The following ZNF343 variants were observed in gnomAD, a reference collection of about 807,000 sequenced individuals.
The protein encoded by ZNF343 is zinc finger protein 343.
A neutral mutation model predicts 13.8 loss-of-function variants in ZNF343; 11 were observed. That is an observed-to-expected ratio of 0.80 (90% CI 0.50 to 1.32). ZNF343 has a LOEUF of 1.32. Ranked by LOEUF, ZNF343 falls within the 40% of genes most tolerant of loss-of-function variation. ZNF343 has a pLI of 0.00. For synonymous variants in ZNF343, 248 were observed against 260.0 expected (o/e 0.95, Z 0.44); for missense variants, 658 against 714.2 (o/e 0.92, Z 0.90).
chr20:2,510,970 A>C (rs549845931), upstream of ZNF343, among the ~76,000 whole-genome samples: 2 of 152,306 alleles, frequency 1.3e-5, no homozygotes, highest in East Asian at 3.9e-4. Flanking sequence ...CTCATTGTCC[A>C]CATGCAATGA....
Position 2,481,923 on chromosome 20 carries a change from T to G in ZNF343, c.*1238A>C, listed in dbSNP as rs1248307081. 6.6e-6 allele frequency: 1 copy of G among 152,112 alleles called. No individual in the cohort carries two copies. The highest frequency in any genetic ancestry group is 1.5e-5 in the Non-Finnish European group (1 of 68,032). The allele number at this position is 152,112 out of a possible 1,614,324, so 9.4% of individuals were successfully genotyped here. Reference sequence around the variant, plus strand: ...CTGCCATCTTCGCTCACATACAGAGTACATGGGGGAGTCAAGACATTTCCT... The same window carrying G: ...CTGCCATCTTCGCTCACATACAGAGGACATGGGGGAGTCAAGACATTTCCT... On this transcript the variant is annotated 3_prime_UTR_variant, in exon 6 of 6. Transcript: ENST00000278772.
chr20:2,483,595 C>A lies in ZNF343; in HGVS notation c.1366G>T (p.Glu456Ter). 11 of 1,611,012 alleles carry A rather than the reference C, an allele frequency of 6.8e-6. No individual in the cohort carries two copies. Among genetic ancestry groups the A allele is most frequent in the Non-Finnish European group, 9.3e-6 (11 of 1,179,208 alleles). Residue 456 changes from glutamate to a stop codon, truncating the protein, a stop_gained, in exon 6 of 6, where the codon GAG (glutamate) becomes TAG (stop). Coordinates refer to ENST00000278772, the MANE Select transcript of ZNF343 (RefSeq NM_024325.6). LOFTEE classifies it low-confidence loss of function (END_TRUNC). ...GGCTTCTCTCCAGAGTGCGTCCGCT[C>A]GTGTATGATGAGGGTTGACTTGTCA... ...FCDKSTLIIHERTHSGEKPYV... is the reference protein window; with the variant it reads ...FCDKSTLIIH
At chr20:2,515,474 A>G (rs12480388) in intron 1 of ZNF343, among the ~76,000 whole-genome samples, 1 of 152,052 alleles carries the variant, frequency 6.6e-6, no homozygotes, top group African/African-American at 2.4e-5. Flanking sequence ...AGAATCTTAA[A>G]AAATATTCCA....
At chr20:2,510,964 T>C (rs979418308), upstream of ZNF343, among the ~76,000 whole-genome samples, 6 of 152,182 alleles carry the variant, frequency 3.9e-5, no homozygotes, top group African/African-American at 1.2e-4. Flanking sequence ...TGGGTTCTCA[T>C]TGTCCACATG....
intron 2 of ZNF343, among the ~76,000 whole-genome samples, chr20:2,495,950 G>T (rs960215030): frequency 6.6e-6 from 1 of 152,172 alleles, no homozygotes; most frequent in Admixed American, 6.5e-5. Flanking sequence ...AACGCGCTGG[G>T]ATTACAGGCG....
At position 2,481,971 on chromosome 20, in the gene ZNF343, AGGTAGTGACTTGGG is replaced by A. The variant is rs1339877662; in HGVS notation, c.*1176_*1189del. 1.1e-3 allele frequency: 170 copies of A among 152,318 alleles called. No homozygotes were observed. Among genetic ancestry groups the A allele is most frequent in the African/African-American group, 4.0e-3 (166 of 41,560 alleles). The allele number at this position is 152,318 out of a possible 1,614,324, so 9.4% of individuals were successfully genotyped here. ...CCTGAAAATCCCTCAGAGGTGAGTG[AGGTAGTGACTTGGG>A]GTAGCAAGACTGTCCTCCTAAGTCA... On this transcript the variant is annotated 3_prime_UTR_variant, in exon 6 of 6. Coordinates refer to ENST00000278772, the MANE Select transcript of ZNF343 (RefSeq NM_024325.6).
chr20:2,492,614 T>A (rs2085383446), intron 5 of ZNF343, 85 bp downstream of exon 5: 7 of 1,522,718 alleles, frequency 4.6e-6, no homozygotes, highest in Non-Finnish European at 6.2e-6. Context: ...GTTGTAAGTA[T>A]CTAGAACATT....
At position 2,484,623 on chromosome 20, in the gene ZNF343, G is replaced by A; in HGVS notation, c.338C>T (p.Ser113Phe). The A allele has an allele frequency of 1.2e-6, 2 of 1,608,266 alleles. No individual in the cohort carries two copies. The highest frequency in any genetic ancestry group is 1.7e-6 in the Non-Finnish European group (2 of 1,177,010). ...EPKPEIYTCSSCLLAFSCQQF... is the reference protein window; with the variant it reads ...EPKPEIYTCSFCLLAFSCQQF... ...CTGACAGGAGAAGGCCAGAAGGCAG[G>A]AGGAACAAGTGTAGATTTCTGGCTT... Residue 113 changes from serine (S) to phenylalanine (F), a missense_variant, in exon 6 of 6, where the codon TCC becomes TTC. Ser to Phe is a radical substitution (Grantham distance 155). Transcript: ENST00000278772.
upstream of ZNF343, among the ~76,000 whole-genome samples, chr20:2,511,083 G>C (rs1232028678): frequency 6.6e-6 from 1 of 151,908 alleles, no homozygotes; most frequent in South Asian, 2.1e-4. Flanking sequence ...TTTTAAGACT[G>C]GGGGAATCCA....
chr20:2,498,390 G>C (rs1191400314), intron 2 of ZNF343, among the ~76,000 whole-genome samples: 2 of 152,214 alleles, frequency 1.3e-5, no homozygotes, highest in Admixed American at 1.3e-4. Flanking sequence ...TGCTGAAGAA[G>C]AGGCTGAGGG....
At position 2,484,189 on chromosome 20, in the gene ZNF343, T is replaced by C. The variant is rs1448735986; in HGVS notation, c.772A>G (p.Thr258Ala). ...PDHNLESNFI[T>A]NPRTLLGKKP... Reference sequence around the variant, plus strand: ...TTCCCTAAGAGGGTCCTCGGGTTTGTAATAAAGTTTGATTCCAGGTTATGG... The same window carrying C: ...TTCCCTAAGAGGGTCCTCGGGTTTGCAATAAAGTTTGATTCCAGGTTATGG... The change falls in exon 6 of 6, where the codon ACA (threonine) becomes GCA (alanine). Residue 258 changes from threonine (T) to alanine (A), a missense_variant. Transcript: ENST00000278772. 6 of 1,614,240 alleles carry C rather than the reference T, an allele frequency of 3.7e-6. 1 individual carries two copies. Among genetic ancestry groups the C allele is most frequent in the Non-Finnish European group, 5.1e-6 (6 of 1,180,044 alleles).
rs372818389 is a variant in ZNF343 at position 2,483,159 on chromosome 20, C to T, written c.*2G>A. 59 of 1,599,304 alleles carry T rather than the reference C, an allele frequency of 3.7e-5. No homozygotes were observed. Among genetic ancestry groups the T allele is most frequent in the Middle Eastern group, 1.7e-4 (1 of 5,984 alleles). ...GACCCCTGCATACACAGGTTTCTCC[C>T]GTCAGTGTGTCCTCTGGTGTCTGAT... On this transcript the variant is annotated 3_prime_UTR_variant, in exon 6 of 6. Transcript: ENST00000278772.
chr20:2,511,091 C>A (rs777515853), upstream of ZNF343, among the ~76,000 whole-genome samples: 7 of 151,712 alleles, frequency 4.6e-5, no homozygotes, highest in Non-Finnish European at 1.0e-4. Flanking sequence ...CTGGGGGAAT[C>A]CATTTCTTTT....
Position 2,492,738 on chromosome 20 carries a change from CT to C in ZNF343, c.264del (p.Glu89LysfsTer2), listed in dbSNP as rs746879690. On this transcript the variant is annotated frameshift_variant, in exon 5 of 6. Transcript: ENST00000278772. LOFTEE classifies it low-confidence loss of function (END_TRUNC). ...TTCCTGTAATTCTCCAGCATCACTT[CT>C]TTGTATAGATTCCTCTGCTCTGGAC... ...RLSPEQRNLY[K>X]EVMLENYRNL... 40 of 1,612,032 alleles carry C rather than the reference CT, an allele frequency of 2.5e-5. No individual in the cohort carries two copies. The East Asian group carries it at 8.9e-4, about 36-fold the overall frequency.
chr20:2,498,093 A>G (rs2085490761), intron 2 of ZNF343, among the ~76,000 whole-genome samples: 1 of 152,200 alleles, frequency 6.6e-6, no homozygotes, highest in South Asian at 2.1e-4. Context: ...GTGGTGGCTC[A>G]TGCCTGGAAT....
At chr20:2,489,353 A>C (rs542459013) in intron 5 of ZNF343, among the ~76,000 whole-genome samples, 50 of 152,294 alleles carry the variant, frequency 3.3e-4, no homozygotes, top group African/African-American at 1.2e-3. Flanking sequence ...GATTCAACCT[A>C]AGCTACCCTC....
At chr20:2,492,533 T>G (rs1323579457) in intron 5 of ZNF343, among the ~76,000 whole-genome samples, 166 bp downstream of exon 5, 1 of 152,228 alleles carries the variant, frequency 6.6e-6, no homozygotes, top group African/African-American at 2.4e-5. Flanking sequence ...GGCTTTTTGT[T>G]TGTTGTCTGT....
chr20:2,488,905 C>T (rs1489950135), intron 5 of ZNF343, among the ~76,000 whole-genome samples: 1 of 152,030 alleles, frequency 6.6e-6, no homozygotes, highest in East Asian at 1.9e-4. Context: ...AATTAGCTGG[C>T]ATGGTGGCAT....
In ZNF343 at chr20:2,483,176, G is replaced by A; in HGVS notation, c.1785C>T (p.His595=). The change falls in exon 6 of 6, where the codon CAC becomes CAT. Residue 595 remains histidine, a synonymous_variant. Transcript: ENST00000278772. Reference sequence around the variant, plus strand: ...GTTTCTCCCGTCAGTGTGTCCTCTGGTGTCTGATGAGATTTGACTTATGAC... The same window carrying A: ...GTTTCTCCCGTCAGTGTGTCCTCTGATGTCTGATGAGATTTGACTTATGAC... ...GFSHKSNLIR[H]QRTH is the part of the protein sequence containing the mutation. 6.2e-7 allele frequency: 1 copy of A among 1,609,288 alleles called. No homozygotes were observed. The highest frequency in any genetic ancestry group is 8.5e-7 in the Non-Finnish European group (1 of 1,177,258).
Sources: gnomAD v4.1 joint callset for allele counts (sites outside exome capture counted in the v4.1 genomes callset) on GRCh38, gnomAD v4.1.1 for gene constraint, MANE v1.5 for transcripts, NCBI Gene and HGNC (gene_info 2026-07-23, HGNC 2026-07-21) for gene names.